Variants in IKBIP observed in about 807,000 individuals in gnomAD.
IKBIP encodes inhibitor of nuclear factor kappa-B kinase-interacting protein.
IKBIP carries 28 observed loss-of-function variants against 31.0 expected under a neutral mutation model. The ratio of observed to expected loss-of-function variants is 0.90; its 90% CI spans 0.67 to 1.24. The LOEUF is 1.24. Among genes scored for constraint, IKBIP ranks in the 50% most tolerant of loss-of-function variants. The pLI, the probability that IKBIP is intolerant of heterozygous loss-of-function variation, is 0.00. For synonymous variants in IKBIP, 164 were observed against 160.3 expected, an observed-to-expected ratio of 1.02 and a Z score of -0.17; for missense variants, 453 against 441.9, an observed-to-expected ratio of 1.03 and a Z score of -0.23.
At chr12:98,620,216 C>T (rs572082889), downstream of IKBIP, among the ~76,000 whole-genome samples, 25 of 151,666 alleles carry the variant, frequency 1.6e-4, no homozygotes, top group South Asian at 2.7e-3. Context: ...CCACTGCCCC[C>T]GGCCAGAATA....
intron 2 of IKBIP, among the ~76,000 whole-genome samples, chr12:98,618,517 T>A (rs2097607630): frequency 6.6e-6 from 1 of 151,664 alleles, no homozygotes. Flanking sequence ...TCCCAGCTAC[T>A]CAGGAGGCTG....
At chr12:98,617,317 C>A (rs1302907422) in intron 2 of IKBIP, among the ~76,000 whole-genome samples, 3 of 152,192 alleles carry the variant, frequency 2.0e-5, no homozygotes, top group Non-Finnish European at 2.9e-5. Flanking sequence ...CCCCACTATA[C>A]ATTATGAACT....
intron 2 of IKBIP, among the ~76,000 whole-genome samples, chr12:98,633,181 T>C (rs1352148109): frequency 6.6e-6 from 1 of 152,184 alleles, no homozygotes; most frequent in African/African-American, 2.4e-5. Flanking sequence ...CTTGCTTACC[T>C]TGTGACATGA....
downstream of IKBIP, among the ~76,000 whole-genome samples, chr12:98,623,420 CT>C (rs1356849776): frequency 1.4e-5 from 2 of 146,394 alleles, no homozygotes; most frequent in East Asian, 3.9e-4. Context: ...TTTTTTTTGA[CT>C]TTTAGTAGAC....
In IKBIP at chr12:98,626,519, G is replaced by C; in HGVS notation, c.545C>G (p.Ser182Cys). 6.2e-7 allele frequency: 1 copy of C among 1,613,356 alleles called. No homozygotes were observed. Among genetic ancestry groups the C allele is most frequent in the South Asian group, 1.1e-5 (1 of 91,078 alleles). ...TGAGTTAATTTGGACAGTTACTTGA[G>C]AATGTATATGTTTTGCTTCTGATTT... ...IFKSEAKHIHSQVTVQINSAE... is the reference protein window; with the variant it reads ...IFKSEAKHIHCQVTVQINSAE... The change falls in exon 3 of 3, where the codon TCT becomes TGT. Residue 182 changes from serine to cysteine, a missense_variant. By Grantham distance (112) the Ser-to-Cys change is moderately radical (BLOSUM62 -1). Transcript: ENST00000299157.
At chr12:98,626,991 C>T (rs774201519) in intron 2 of IKBIP, among the ~76,000 whole-genome samples, 4 of 152,044 alleles carry the variant, frequency 2.6e-5, no homozygotes, top group Non-Finnish European at 5.9e-5. Flanking sequence ...ATTTTTTAGA[C>T]GGAATCTCAC....
At chr12:98,642,025 GAATGT>G (rs2097630967) in intron 1 of IKBIP, among the ~76,000 whole-genome samples, 1 of 152,132 alleles carries the variant, frequency 6.6e-6, no homozygotes, top group African/African-American at 2.4e-5. Flanking sequence ...TCTTCCTAAT[GAATGT>G]AATACATTCA....
intron 2 of IKBIP, among the ~76,000 whole-genome samples, chr12:98,618,833 T>G (rs2097607942): frequency 6.6e-6 from 1 of 152,216 alleles, no homozygotes; most frequent in Non-Finnish European, 1.5e-5. Flanking sequence ...CATTTAGTTT[T>G]ACTTAACACA....
rs544866791 is a variant in IKBIP, at chr12:98,618,401, C to T, written c.298-4061G>A. ...CAGCACTTTGGGAGGCCGAGGTGGG[C>T]GGATCACAAGGTCAAGAGATCGAGA... On this transcript the variant is annotated intron_variant, in intron 2 of 2. Coordinates refer to the IKBIP transcript ENST00000342502. Among the ~76,000 whole-genome samples, 26 of 149,870 alleles carry T rather than the reference C, an allele frequency of 1.7e-4. No individual in the cohort carries two copies. In the East Asian group the frequency reaches 3.1e-3, roughly 18 times the overall value.
At chr12:98,640,537 A>G (rs560619701) in intron 1 of IKBIP, among the ~76,000 whole-genome samples, 1 of 152,360 alleles carries the variant, frequency 6.6e-6, no homozygotes, top group East Asian at 1.9e-4. Context: ...TCACAATGGA[A>G]ATTCCAGCTG....
exon 3 of IKBIP, chr12:98,614,102 A>C: frequency 6.2e-7 from 1 of 1,613,152 alleles, no homozygotes; most frequent in Non-Finnish European, 8.5e-7. Context: ...AATCCGTCGT[A>C]TATCTGTTTT....
chr12:98,625,235 A>G lies in IKBIP; in HGVS notation c.*695T>C, dbSNP rs184411330. On this transcript the variant is annotated 3_prime_UTR_variant, in exon 3 of 3. Coordinates refer to ENST00000299157, the MANE Select transcript of IKBIP (RefSeq NM_153687.4). ...ATAATTCCTAAGAAAGGCCTTATGT[A>G]AGAACATACTTACTCTGATTTTAAA... 74 of 976,804 alleles carry G rather than the reference A, an allele frequency of 7.6e-5. No individual in the cohort carries two copies. The African/African-American group carries it at 1.2e-3, about 16-fold the overall frequency. 60.5% of individuals were successfully genotyped at this position (976,804 alleles called of 1,614,324 possible).
At chr12:98,623,967 A>G (rs1447829837), downstream of IKBIP, among the ~76,000 whole-genome samples, 1 of 151,178 alleles carries the variant, frequency 6.6e-6, no homozygotes, top group Admixed American at 6.6e-5. Context: ...ATCTATCTAG[A>G]TATCTATACA....
intron 1 of IKBIP, among the ~76,000 whole-genome samples, chr12:98,643,324 T>C (rs971345600): frequency 6.6e-6 from 1 of 152,182 alleles, no homozygotes; most frequent in Non-Finnish European, 1.5e-5. Context: ...CCATATGTAG[T>C]AGCATAAAAA....
In IKBIP at chr12:98,626,758, A is replaced by C. The variant is rs751969870; in HGVS notation, c.306T>G (p.Ser102=). ...KISLISEKLE[S]TESILQEATS... ...TAGCTTCCTGCAGGATGCTTTCAGT[A>C]GACTCAAGCTGCATTTATAACACAA... is the stretch of plus-strand genomic sequence containing the variant. Residue 102 remains serine, a synonymous_variant, in exon 3 of 3, where the codon TCT becomes TCG. Coordinates refer to ENST00000299157, the MANE Select transcript of IKBIP (RefSeq NM_153687.4). 1 of 1,596,816 alleles carries C rather than the reference A, an allele frequency of 6.3e-7. No individual in the cohort carries two copies.
chr12:98,620,857 T>TA (rs1440921082), downstream of IKBIP, among the ~76,000 whole-genome samples: 4 of 151,386 alleles, frequency 2.6e-5, no homozygotes, highest in African/African-American at 4.9e-5. Flanking sequence ...TACTTTTTTT[T>TA]ATATTAAAAA....
chr12:98,644,272 C>T (rs1326870488), intron 1 of IKBIP, among the ~76,000 whole-genome samples: 1 of 152,154 alleles, frequency 6.6e-6, no homozygotes, highest in Non-Finnish European at 1.5e-5. Flanking sequence ...ATGGCTCGTT[C>T]CCAAACCTTA....
At chr12:98,620,332 A>T (rs1565837732), downstream of IKBIP, among the ~76,000 whole-genome samples, 1 of 151,558 alleles carries the variant, frequency 6.6e-6, no homozygotes, top group Non-Finnish European at 1.5e-5. Context: ...CAAGAATATG[A>T]TTTCTAGGTC....
At chr12:98,628,034 T>C (rs2097616510) in intron 2 of IKBIP, among the ~76,000 whole-genome samples, 1 of 152,278 alleles carries the variant, frequency 6.6e-6, no homozygotes, top group East Asian at 1.9e-4. Context: ...GGCCAAGTCA[T>C]TGACCTCTTT....
Sources: allele counts gnomAD v4.1 joint callset (sites outside exome capture counted in the v4.1 genomes callset), GRCh38; gene constraint gnomAD v4.1.1; transcripts MANE v1.5; gene names NCBI Gene and HGNC (gene_info 2026-07-23, HGNC 2026-07-21).